The following SLC9B2 variants were observed in gnomAD, a reference collection of about 807,000 sequenced individuals.
SLC9B2 encodes sodium/hydrogen exchanger 9B2.
A neutral mutation model predicts 52.2 loss-of-function variants in SLC9B2; 39 were observed. The observed-to-expected ratio is 0.75, with a 90% CI of 0.58 to 0.98. SLC9B2 has a LOEUF of 0.98. Among genes scored for constraint, SLC9B2 ranks in the 50% least tolerant of loss-of-function variants. The probability of loss-of-function intolerance (pLI) is 0.00; values close to 1 mark genes in which losing one functional copy is unlikely to be tolerated. For missense variants in SLC9B2, 626 were observed against 637.5 expected, an observed-to-expected ratio of 0.98 and a Z score of 0.19; for synonymous variants, 214 against 227.0, an observed-to-expected ratio of 0.94 and a Z score of 0.51.
At chr4:103,062,019 A>G (rs1008533902) in intron 3 of SLC9B2, among the ~76,000 whole-genome samples, 1 of 152,240 alleles carries the variant, frequency 6.6e-6, no homozygotes, top group Non-Finnish European at 1.5e-5. Context: ...TCTATGCGAT[A>G]TCAGAGGTAG....
At chr4:103,032,012 A>C (rs955943143) in intron 9 of SLC9B2, among the ~76,000 whole-genome samples, 1 of 152,196 alleles carries the variant, frequency 6.6e-6, no homozygotes, top group Non-Finnish European at 1.5e-5. Flanking sequence ...GTGTTTTAGC[A>C]TACTAAATAT....
chr4:103,068,927 A>G (rs1746383262), intron 1 of SLC9B2, among the ~76,000 whole-genome samples: 1 of 152,206 alleles, frequency 6.6e-6, no homozygotes, highest in East Asian at 1.9e-4. Context: ...ATTTGCATTT[A>G]AAACTTCAAA....
downstream of SLC9B2, chr4:103,019,793 C>G (rs1214788071): frequency 1.0e-6 from 1 of 985,562 alleles, no homozygotes; most frequent in Non-Finnish European, 1.2e-6. Context: ...CCGGCAGAGG[C>G]GAGGGTTCTG....
At chr4:103,053,398 A>G (rs1003879017) in intron 4 of SLC9B2, among the ~76,000 whole-genome samples, 3 of 152,244 alleles carry the variant, frequency 2.0e-5, no homozygotes, top group Non-Finnish European at 4.4e-5. Flanking sequence ...CAACTATAAA[A>G]AAGAATGGTA....
At chr4:103,030,463 G>A (rs373519294) in intron 10 of SLC9B2, among the ~76,000 whole-genome samples, 12 of 152,070 alleles carry the variant, frequency 7.9e-5, no homozygotes, top group Admixed American at 6.6e-4. Flanking sequence ...ACCTTGGTGA[G>A]AGGCTGGCAG....
intron 4 of SLC9B2, among the ~76,000 whole-genome samples, chr4:103,057,096 C>T (rs77640167): frequency 0.044 from 6,642 of 151,754 alleles, 441 homozygotes; most frequent in African/African-American, 0.14. Flanking sequence ...TGTCACTGAA[C>T]GTGGAGTTGG....
At chr4:103,075,868 A>C (rs1315621601) in intron 1 of SLC9B2, among the ~76,000 whole-genome samples, 1 of 152,172 alleles carries the variant, frequency 6.6e-6, no homozygotes. Flanking sequence ...GTTTTACTTT[A>C]TCTCTTACAG....
At chr4:103,072,349 A>G (rs763596041) in intron 1 of SLC9B2, among the ~76,000 whole-genome samples, 2 of 152,054 alleles carry the variant, frequency 1.3e-5, no homozygotes, top group Admixed American at 6.6e-5. Context: ...GAGCCACCGC[A>G]CCCAGCCCTG....
intron 2 of SLC9B2, 52 bp from the exon 3 acceptor site, chr4:103,066,559 T>C (rs1746148650): frequency 2.0e-6 from 3 of 1,508,820 alleles, no homozygotes; most frequent in Non-Finnish European, 2.7e-6. Context: ...ATTTTACACA[T>C]ATTTATAGGT....
intron 5 of SLC9B2, among the ~76,000 whole-genome samples, chr4:103,049,645 G>C (rs72939326): frequency 0.021 from 3,237 of 152,226 alleles, 92 homozygotes; most frequent in African/African-American, 0.069. Flanking sequence ...TGGTCTATAT[G>C]TACATCAGAG....
At chr4:103,055,199 T>C (rs981750472) in intron 4 of SLC9B2, among the ~76,000 whole-genome samples, 1 of 127,270 alleles carries the variant, frequency 7.9e-6, no homozygotes, top group Admixed American at 1.0e-4. Context: ...TGAGAACACA[T>C]GGACACAGGA....
chr4:103,052,921 T>C (rs1438142748), intron 4 of SLC9B2, among the ~76,000 whole-genome samples: 1 of 152,208 alleles, frequency 6.6e-6, no homozygotes, highest in East Asian at 1.9e-4. Flanking sequence ...CCTTTGCTAG[T>C]GGTCTGGTTG....
rs545071092 is a variant in SLC9B2, at chr4:103,033,737, G to T, written c.1147-1929C>A. On this transcript the variant is annotated intron_variant, in intron 9 of 11. Coordinates refer to ENST00000394785, the MANE Select transcript of SLC9B2 (RefSeq NM_178833.7). ...CGCCAAAAGAAGAACAAAATATCTA[G>T]GAATACAGCTAACCAGGGAGGTAAA... is the stretch of plus-strand genomic sequence containing the variant. Among the ~76,000 whole-genome samples, 4 of 152,100 alleles carry T rather than the reference G, an allele frequency of 2.6e-5. No individual in the cohort carries two copies. In the East Asian group the frequency reaches 7.7e-4, roughly 29 times the overall value.
At chr4:103,075,402 G>T (rs1453627280) in intron 1 of SLC9B2, among the ~76,000 whole-genome samples, 1 of 152,118 alleles carries the variant, frequency 6.6e-6, no homozygotes, top group Non-Finnish European at 1.5e-5. Context: ...TGCCCACCTC[G>T]GCCTCACAAA....
chr4:103,062,838 C>T (rs1187174895), intron 3 of SLC9B2, among the ~76,000 whole-genome samples: 1 of 152,140 alleles, frequency 6.6e-6, no homozygotes, highest in African/African-American at 2.4e-5. Context: ...TCTTGAACTC[C>T]TGACCTCGTC....
chr4:103,030,466 G>C, intron 10 of SLC9B2, among the ~76,000 whole-genome samples: 1 of 151,930 alleles, frequency 6.6e-6, no homozygotes, highest in Middle Eastern at 3.2e-3. Context: ...TTGGTGAGAG[G>C]CTGGCAGGTT....
chr4:103,036,267 G>T (rs756326787), intron 9 of SLC9B2, among the ~76,000 whole-genome samples: 18 of 152,180 alleles, frequency 1.2e-4, no homozygotes, highest in African/African-American at 4.3e-4. Flanking sequence ...GCTAATTAAT[G>T]CAGGAACAGA....
intron 3 of SLC9B2, 99 bp downstream of exon 3, chr4:103,066,228 G>A: frequency 1.5e-6 from 2 of 1,361,798 alleles, no homozygotes; most frequent in East Asian, 2.3e-5. Context: ...TTATGTTTGG[G>A]AGAAGTGAAC....
intron 9 of SLC9B2, among the ~76,000 whole-genome samples, chr4:103,038,382 T>C (rs1039866507): frequency 6.6e-6 from 1 of 152,238 alleles, no homozygotes; most frequent in Admixed American, 6.5e-5. Flanking sequence ...TGTTTTTGAT[T>C]ATAACACTTT....
Sources: gnomAD v4.1 joint callset for allele counts (sites outside exome capture counted in the v4.1 genomes callset) on GRCh38, gnomAD v4.1.1 for gene constraint, MANE v1.5 for transcripts, NCBI Gene and HGNC (gene_info 2026-07-23, HGNC 2026-07-21) for gene names.